The following CNTN5 variants were observed in gnomAD, a reference collection of about 807,000 sequenced individuals.
The protein encoded by CNTN5 is contactin 5.
A neutral mutation model predicts 129.1 loss-of-function variants in CNTN5; 77 were observed. That is an observed-to-expected ratio of 0.60 (90% CI 0.50 to 0.72). The LOEUF is 0.72. CNTN5 is among the 30% of genes least tolerant of loss of function. CNTN5 has a pLI of 0.00. For missense variants in CNTN5, 1,478 were observed against 1,328.8 expected (o/e 1.11, Z -1.75); for synonymous variants, 509 against 465.6 (o/e 1.09, Z -1.20).
chr11:100,344,418 G>C (rs985918970), intron 23 of CNTN5, among the ~76,000 whole-genome samples: 3 of 152,058 alleles, frequency 2.0e-5, no homozygotes, highest in African/African-American at 7.2e-5. Flanking sequence ...ATACAGGATA[G>C]ACATTCTGAA....
At chr11:100,325,932 T>A (rs1951779423) in intron 21 of CNTN5, among the ~76,000 whole-genome samples, 1 of 152,216 alleles carries the variant, frequency 6.6e-6, no homozygotes, top group African/African-American at 2.4e-5. Flanking sequence ...TATGAATTCC[T>A]TTTCCTAGAA....
At chr11:99,405,161 T>A (rs1293699240) in intron 2 of CNTN5, among the ~76,000 whole-genome samples, 3 of 152,320 alleles carry the variant, frequency 2.0e-5, no homozygotes, top group African/African-American at 7.2e-5. Context: ...TCTTTATTCT[T>A]GACCTTTGGG....
intron 2 of CNTN5, among the ~76,000 whole-genome samples, chr11:99,365,093 C>T (rs1233029079): frequency 6.6e-6 from 1 of 152,206 alleles, no homozygotes; most frequent in Middle Eastern, 3.4e-3. Context: ...AAGTTAAGAG[C>T]ATGCCTGAGT....
chr11:100,058,233 A>G (rs1432708105), intron 9 of CNTN5, among the ~76,000 whole-genome samples: 2 of 152,158 alleles, frequency 1.3e-5, no homozygotes, highest in Non-Finnish European at 2.9e-5. Flanking sequence ...AACACAGTCA[A>G]AAAACTAACT....
At chr11:99,436,968 C>T (rs1487657165) in intron 2 of CNTN5, among the ~76,000 whole-genome samples, 1 of 152,130 alleles carries the variant, frequency 6.6e-6, no homozygotes, top group African/African-American at 2.4e-5. Context: ...AAGCTGAACA[C>T]TTCCAAATTT....
intron 1 of CNTN5, among the ~76,000 whole-genome samples, chr11:99,166,067 G>C (rs375540613): frequency 1.3e-5 from 2 of 152,036 alleles, no homozygotes. Context: ...AAAAATGACC[G>C]CCTGAACTAT....
intron 3 of CNTN5, among the ~76,000 whole-genome samples, chr11:99,707,344 A>C (rs1954799340): frequency 6.6e-6 from 1 of 151,548 alleles, no homozygotes; most frequent in African/African-American, 2.4e-5. Context: ...TATTGTCCTA[A>C]ACTAACCTAA....
intron 2 of CNTN5, among the ~76,000 whole-genome samples, chr11:99,500,338 T>C (rs190227434): frequency 7.9e-5 from 12 of 152,250 alleles, no homozygotes; most frequent in Non-Finnish European, 1.5e-4. Context: ...AATGATACCT[T>C]TAAAAAAAGT....
intron 1 of CNTN5, among the ~76,000 whole-genome samples, chr11:99,193,851 T>G (rs1858766090): frequency 6.6e-6 from 1 of 152,130 alleles, no homozygotes; most frequent in African/African-American, 2.4e-5. Context: ...CATTCAAAAA[T>G]TTTTGTAATC....
chr11:100,084,525 T>A (rs1297442206), intron 13 of CNTN5, among the ~76,000 whole-genome samples: 3 of 152,122 alleles, frequency 2.0e-5, no homozygotes, highest in Non-Finnish European at 4.4e-5. Context: ...AATTAGAGGT[T>A]TGGTTACAAA....
intron 3 of CNTN5, among the ~76,000 whole-genome samples, chr11:99,645,365 T>C (rs1480383211): frequency 6.6e-6 from 1 of 150,938 alleles, no homozygotes; most frequent in Non-Finnish European, 1.5e-5. Context: ...AATAATTGCC[T>C]AATGTATATA....
intron 6 of CNTN5, among the ~76,000 whole-genome samples, chr11:99,890,302 A>C (rs2135902932): frequency 6.6e-6 from 1 of 152,286 alleles, no homozygotes; most frequent in South Asian, 2.1e-4. Context: ...TTGAATTATA[A>C]CACAAAATAT....
chr11:99,613,912 A>G (rs1424584924), intron 3 of CNTN5, among the ~76,000 whole-genome samples: 1 of 152,218 alleles, frequency 6.6e-6, no homozygotes, highest in African/African-American at 2.4e-5. Context: ...GATGTTTAAA[A>G]TCTAGATTTT....
In CNTN5 at chr11:100,197,036, C is replaced by T. The variant is rs146693822; in HGVS notation, c.1884+3373C>T. On this transcript the variant is annotated intron_variant, in intron 15 of 24. Transcript: ENST00000524871. ...ACACCAGAGAACTATGTGCATTCAG[C>T]TGTTTGTTAGAAGGGGTTGGTATTT... 3.9e-5 allele frequency among the ~76,000 whole-genome samples: 6 copies of T among 152,010 alleles called. No individual in the cohort carries two copies. In the East Asian group the frequency reaches 9.7e-4, roughly 25 times the overall value.
chr11:99,720,576 C>T (rs907686547), intron 3 of CNTN5, among the ~76,000 whole-genome samples: 5 of 152,058 alleles, frequency 3.3e-5, no homozygotes, highest in African/African-American at 9.7e-5. Context: ...GGAAGCATTC[C>T]CCTTGAAAAT....
rs540863090 is a variant in CNTN5 at position 99,429,722 on chromosome 11, A to G, written c.-71+104238A>G. Among the ~76,000 whole-genome samples, 5 of 152,228 alleles carry G rather than the reference A, an allele frequency of 3.3e-5. No homozygotes were observed. The East Asian group carries it at 9.7e-4, about 29-fold the overall frequency. On this transcript the variant is annotated intron_variant, in intron 2 of 24. Transcript: ENST00000524871. ...AGTCTACACTTAATCCTGGTTCTCC[A>G]AAAAGGAGAGATCATGGGAATAGGC...
At chr11:100,026,557 A>G (rs1446932399) in intron 9 of CNTN5, among the ~76,000 whole-genome samples, 1 of 152,184 alleles carries the variant, frequency 6.6e-6, no homozygotes, top group Non-Finnish European at 1.5e-5. Context: ...GGTGTTGTCC[A>G]TGTTCTGAAT....
intron 16 of CNTN5, among the ~76,000 whole-genome samples, chr11:100,231,651 C>A (rs1403000437): frequency 6.6e-6 from 1 of 152,098 alleles, no homozygotes; most frequent in Non-Finnish European, 1.5e-5. Context: ...AATGATCATG[C>A]AATCATAGTC....
Position 100,074,236 on chromosome 11 carries a change from T to A in CNTN5, c.1522T>A (p.Ser508Thr). 1 of 1,611,370 alleles carries A rather than the reference T, an allele frequency of 6.2e-7. No individual in the cohort carries two copies. The highest frequency in any genetic ancestry group is 1.1e-5 in the South Asian group (1 of 90,750). ...EVVIECKPQG[S>T]PKPTISWKKG... Reference sequence around the variant, plus strand: ...TGTCATAGAGTGCAAACCCCAAGGCTCTCCAAAACCAACCATCTCTTGGAA... The same window carrying A: ...TGTCATAGAGTGCAAACCCCAAGGCACTCCAAAACCAACCATCTCTTGGAA... The change falls in exon 13 of 25, where the codon TCT (serine) becomes ACT (threonine). Residue 508 changes from serine (S) to threonine (T), a missense_variant. Physicochemically the swap from Ser to Thr is moderately conservative, Grantham distance 58 (BLOSUM62 1). Transcript: ENST00000524871.
Sources: allele counts gnomAD v4.1 joint callset (sites outside exome capture counted in the v4.1 genomes callset), GRCh38; gene constraint gnomAD v4.1.1; transcripts MANE v1.5; gene names NCBI Gene and HGNC (gene_info 2026-07-23, HGNC 2026-07-21).